DNAH8: variants seen among roughly 807,000 people sequenced by gnomAD.
The protein encoded by DNAH8 is axonemal beta dynein heavy chain 8.
DNAH8 carries 382 observed loss-of-function variants against 562.1 expected under a neutral mutation model. That is an observed-to-expected ratio of 0.68 (90% CI 0.63 to 0.74). The LOEUF is 0.74. Among genes scored for constraint, DNAH8 ranks in the 30% least tolerant of loss-of-function variants. DNAH8 has a pLI of 0.00. For missense variants in DNAH8, 5,203 were observed against 5,620.4 expected (o/e 0.93, Z 2.37); for synonymous variants, 1,881 against 1,919.4 (o/e 0.98, Z 0.52).
intron 91 of DNAH8, among the ~76,000 whole-genome samples, chr6:39,019,045 T>TTTTC (rs1396521351): frequency 2.6e-5 from 4 of 151,966 alleles, no homozygotes. Context: ...GAATAAAAAG[T>TTTTC]TTTCTTTCTT....
At chr6:38,796,335 C>A (rs1248179229) in intron 21 of DNAH8, among the ~76,000 whole-genome samples, 1 of 151,996 alleles carries the variant, frequency 6.6e-6, no homozygotes, top group African/African-American at 2.4e-5. Context: ...TCTAATAACT[C>A]CATCCTCATC....
In DNAH8 at chr6:38,870,496, A is replaced by C; in HGVS notation, c.6924A>C (p.Ala2308=). ...DSNTYAELQN[A]VAHQVQIEGL... ...ATACTTATGCAGAACTGCAAAACGCAGTAGCCCATCAGGTTCAGATAGAGG... is the reference window on the plus strand; with the variant it reads ...ATACTTATGCAGAACTGCAAAACGCCGTAGCCCATCAGGTTCAGATAGAGG... The change falls in exon 49 of 93, where the codon GCA becomes GCC. Residue 2308 remains alanine, a synonymous_variant. Coordinates refer to ENST00000327475, the MANE Select transcript of DNAH8 (RefSeq NM_001206927.2). The C allele has an allele frequency of 1.2e-6, 2 of 1,614,134 alleles. No homozygotes were observed. The highest frequency in any genetic ancestry group is 2.2e-5 in the East Asian group (1 of 44,852).
chr6:38,795,351 A>G (rs9369082), intron 21 of DNAH8, among the ~76,000 whole-genome samples: 21,285 of 152,084 alleles, frequency 0.14, 1,943 homozygotes, highest in East Asian at 0.48. Flanking sequence ...AGGCCGAGGC[A>G]GGTGGATCAC....
intron 24 of DNAH8, among the ~76,000 whole-genome samples, chr6:38,811,069 G>T (rs1429183435): frequency 6.6e-6 from 1 of 152,014 alleles, no homozygotes; most frequent in African/African-American, 2.4e-5. Flanking sequence ...TCTTTACCCC[G>T]TGTGGATTTG....
chr6:38,992,233 G>A (rs989662987), intron 88 of DNAH8, among the ~76,000 whole-genome samples: 2 of 152,140 alleles, frequency 1.3e-5, no homozygotes, highest in African/African-American at 2.4e-5. Flanking sequence ...CTCCCAAAGT[G>A]TTGGGATTAC....
Position 38,930,074 on chromosome 6 carries a change from C to G in DNAH8, c.11274+408C>G, listed in dbSNP as rs375152947. On this transcript the variant is annotated intron_variant, in intron 75 of 92. Transcript: ENST00000327475. ...ATATATATACATTTTTACAAAATAA[C>G]CCGGATTTCTTCCCTGGAGAAAATG... Among the ~76,000 whole-genome samples, 15 of 152,196 alleles carry G rather than the reference C, an allele frequency of 9.9e-5. No homozygotes were observed. In the East Asian group the frequency reaches 1.9e-3, roughly 20 times the overall value.
chr6:38,826,426 C>CT (rs779966107), intron 29 of DNAH8, 35 bp downstream of exon 29: 19 of 1,415,614 alleles, frequency 1.3e-5, no homozygotes, highest in Admixed American at 2.0e-5. Context: ...TCTTGGAATG[C>CT]TTTTTTGTTT....
At chr6:38,735,651 T>G (rs1338203546) in intron 5 of DNAH8, among the ~76,000 whole-genome samples, 2 of 152,218 alleles carry the variant, frequency 1.3e-5, no homozygotes, top group Admixed American at 1.3e-4. Context: ...TAATTTAGCT[T>G]TTGTTTTAGT....
chr6:38,969,679 G>T lies in DNAH8; in HGVS notation c.12452-1913G>T, dbSNP rs901147890. On this transcript the variant is annotated intron_variant, in intron 82 of 92. Coordinates refer to ENST00000327475, the MANE Select transcript of DNAH8 (RefSeq NM_001206927.2). ...TGGATGGAGGAAAGTGAATGGATAG[G>T]GGGGTGGTGAGATAAGAAAAGGTGT... 2.1e-5 allele frequency among the ~76,000 whole-genome samples: 3 copies of T among 146,084 alleles called. No individual in the cohort carries two copies. In the East Asian group the frequency reaches 6.4e-4, roughly 31 times the overall value.
chr6:38,814,734 T>C (rs888073140), intron 25 of DNAH8, among the ~76,000 whole-genome samples: 7 of 152,142 alleles, frequency 4.6e-5, no homozygotes, highest in Non-Finnish European at 1.0e-4. Context: ...AATAAAATCA[T>C]CACAGTTGTC....
intron 82 of DNAH8, among the ~76,000 whole-genome samples, chr6:38,971,121 C>A (rs1763310978): frequency 6.6e-6 from 1 of 152,134 alleles, no homozygotes; most frequent in African/African-American, 2.4e-5. Flanking sequence ...AACAAGCAGA[C>A]AGAAAACACT....
Position 38,906,401 on chromosome 6 carries a change from A to G in DNAH8, c.9342A>G (p.Ser3114=). Residue 3114 remains serine, a synonymous_variant, in exon 63 of 93, where the codon TCA becomes TCG. Coordinates refer to ENST00000327475, the MANE Select transcript of DNAH8 (RefSeq NM_001206927.2). Reference sequence around the variant, plus strand: ...AATACCTTAACAACTTGCTATCTTCAGGGGAGGTAAGTCTCAAAAGTAGAG... The same window carrying G: ...AATACCTTAACAACTTGCTATCTTCGGGGGAGGTAAGTCTCAAAAGTAGAG... ...FLEYLNNLLS[S]GEISNLFARD... 6.3e-7 allele frequency: 1 copy of G among 1,584,626 alleles called. No homozygotes were observed. Among genetic ancestry groups the G allele is most frequent in the Non-Finnish European group, 8.6e-7 (1 of 1,167,064 alleles).
intron 4 of DNAH8, among the ~76,000 whole-genome samples, chr6:38,730,581 A>C (rs1386520588): frequency 6.6e-6 from 1 of 152,202 alleles, no homozygotes; most frequent in East Asian, 1.9e-4. Context: ...CTGCTGCCTT[A>C]GGCTAGGCCT....
At chr6:38,758,585 G>A (rs984668822) in intron 10 of DNAH8, among the ~76,000 whole-genome samples, 2 of 151,840 alleles carry the variant, frequency 1.3e-5, no homozygotes, top group African/African-American at 4.8e-5. Flanking sequence ...AGTGGTGAGA[G>A]AGGGCATCCC....
chr6:38,890,261 C>T lies in DNAH8; in HGVS notation c.8474-391C>T, dbSNP rs79204646. On this transcript the variant is annotated intron_variant, in intron 57 of 92. Coordinates refer to ENST00000327475, the MANE Select transcript of DNAH8 (RefSeq NM_001206927.2). ...GATGAGGGAGTACTCTCTAAGCTCA[C>T]ATATGCTTCAGGGTGAATGCTGATG... Among the ~76,000 whole-genome samples, 1,164 of 152,276 alleles carry T rather than the reference C, an allele frequency of 7.6e-3. 15 individuals are homozygous for T. The highest frequency in any genetic ancestry group is 0.012 in the Non-Finnish European group (797 of 68,028).
At chr6:38,775,441 C>G (rs866473809) in intron 12 of DNAH8, among the ~76,000 whole-genome samples, 30 of 152,136 alleles carry the variant, frequency 2.0e-4, no homozygotes, top group African/African-American at 6.3e-4. Context: ...TCAGAAAATC[C>G]TCAAGAGACC....
chr6:38,977,366 G>A (rs907494231), intron 85 of DNAH8, among the ~76,000 whole-genome samples: 10 of 152,160 alleles, frequency 6.6e-5, no homozygotes, highest in African/African-American at 2.4e-4. Context: ...GGAAGTTACT[G>A]CTGAAGCCCC....
intron 91 of DNAH8, among the ~76,000 whole-genome samples, chr6:39,018,401 T>C (rs1032327436): frequency 6.6e-6 from 1 of 152,198 alleles, no homozygotes; most frequent in Non-Finnish European, 1.5e-5. Flanking sequence ...AAAACTCTCA[T>C]GCCTTGGTTT....
In DNAH8 at chr6:38,918,156, C is replaced by T; in HGVS notation, c.10524+16C>T. 6.5e-7 allele frequency: 1 copy of T among 1,537,628 alleles called. No individual in the cohort carries two copies. The highest frequency in any genetic ancestry group is 8.9e-7 in the Non-Finnish European group (1 of 1,118,296). ...GCCTCTGAAGGTAAAAGTTTCCTTCCTTCTCCCAGTAAATCAATATTTCAT... is the reference window on the plus strand; with the variant it reads ...GCCTCTGAAGGTAAAAGTTTCCTTCTTTCTCCCAGTAAATCAATATTTCAT... On this transcript the variant is annotated intron_variant, in intron 70 of 92. Coordinates refer to ENST00000327475, the MANE Select transcript of DNAH8 (RefSeq NM_001206927.2).
Sources: allele counts gnomAD v4.1 joint callset (sites outside exome capture counted in the v4.1 genomes callset), GRCh38; gene constraint gnomAD v4.1.1; transcripts MANE v1.5; gene names NCBI Gene and HGNC (gene_info 2026-07-23, HGNC 2026-07-21).